RBFOX1: variants seen among roughly 807,000 people sequenced by gnomAD.
RBFOX1 encodes the protein RNA binding protein fox-1 homolog 1.
RBFOX1 carries 8 observed loss-of-function variants against 57.7 expected under a neutral mutation model. That is an observed-to-expected ratio of 0.14 (90% CI 0.08 to 0.25). The LOEUF (loss-of-function observed/expected upper bound fraction) is 0.25, where lower values mean the gene tolerates loss of function less well. Ranked by LOEUF, RBFOX1 falls within the 10% of genes least tolerant of loss-of-function variation. The pLI is 1.00. For missense variants in RBFOX1, 611 were observed against 548.5 expected (o/e 1.11, Z -1.14); for synonymous variants, 326 against 222.4 (o/e 1.47, Z -4.15).
chr16:5,508,237 G>C (rs1419862480), intron 2 of RBFOX1, among the ~76,000 whole-genome samples: 1 of 152,196 alleles, frequency 6.6e-6, no homozygotes, highest in Non-Finnish European at 1.5e-5. Flanking sequence ...GCCAGGGCGA[G>C]GGTCTCATCT....
At chr16:7,386,469 TGTGGC>T (rs1344836636) in intron 4 of RBFOX1, among the ~76,000 whole-genome samples, 1 of 143,696 alleles carries the variant, frequency 7.0e-6, no homozygotes, top group African/African-American at 2.5e-5. Context: ...TATGAGAACA[TGTGGC>T]GTTTGATTTT....
chr16:7,099,796 C>G (rs991256750), intron 4 of RBFOX1, among the ~76,000 whole-genome samples: 8 of 152,070 alleles, frequency 5.3e-5, no homozygotes, highest in Non-Finnish European at 1.0e-4. Context: ...CGTAGAGTTA[C>G]CGGGAGAAAA....
At chr16:6,815,661 C>G (rs973820074) in intron 3 of RBFOX1, among the ~76,000 whole-genome samples, 1 of 152,120 alleles carries the variant, frequency 6.6e-6, no homozygotes, top group Non-Finnish European at 1.5e-5. Flanking sequence ...TTACGCCTTA[C>G]CAGGGCCAGG....
intron 1 of RBFOX1, among the ~76,000 whole-genome samples, chr16:6,176,390 C>T (rs9930411): frequency 0.04 from 5,973 of 149,044 alleles, 196 homozygotes; most frequent in Middle Eastern, 0.08. Flanking sequence ...AACTCCTGAC[C>T]TCAGGTCATC....
intron 2 of RBFOX1, among the ~76,000 whole-genome samples, chr16:6,539,800 A>AACACACACACACACACACACACAC (rs1192980631): frequency 8.9e-4 from 51 of 57,612 alleles, no homozygotes; most frequent in Non-Finnish European, 1.5e-3. Flanking sequence ...TGCATCTCAA[A>AACACACACACACACACACACACAC]ACACAGACAC....
chr16:7,711,229 A>G lies in RBFOX1; in HGVS notation c.*484A>G, dbSNP rs1352214246. The G allele has an allele frequency of 2.2e-5, 1 of 45,646 alleles. No homozygotes were observed. The highest frequency in any genetic ancestry group is 5.1e-5 in the African/African-American group (1 of 19,664). The allele number at this position is 45,646 out of a possible 1,614,324, so 2.8% of individuals were successfully genotyped here. On this transcript the variant is annotated 3_prime_UTR_variant, in exon 16 of 16. Coordinates refer to ENST00000550418, the MANE Select transcript of RBFOX1 (RefSeq NM_018723.4). ...TTGGAACTGGGGTTTGGCTGAAAGA[A>G]AAAAAAAAAAATGTAACTGATGAAT... is the stretch of plus-strand genomic sequence containing the variant.
chr16:7,633,754 C>A (rs1238175812), intron 11 of RBFOX1, among the ~76,000 whole-genome samples: 1 of 152,178 alleles, frequency 6.6e-6, no homozygotes, highest in African/African-American at 2.4e-5. Context: ...TCAGTTATTT[C>A]TGTTTGCAGG....
rs142561680 is a variant in RBFOX1 at position 6,856,942 on chromosome 16, C to T, written c.-15-195115C>T. ...GAGAAAGAGAAGGAAAGAAAACGAA[C>T]GGAGGGACATGAGAAGAAAGGGAGG... On this transcript the variant is annotated intron_variant, in intron 3 of 15. Transcript: ENST00000550418. Among the ~76,000 whole-genome samples, 32 of 152,060 alleles carry T rather than the reference C, an allele frequency of 2.1e-4. 1 individual carries two copies. The highest frequency in any genetic ancestry group is 6.0e-4 in the African/African-American group (25 of 41,494).
At chr16:6,351,352 G>GTGTATATATATA (rs1474177476) in intron 2 of RBFOX1, among the ~76,000 whole-genome samples, 2 of 92,476 alleles carry the variant, frequency 2.2e-5, no homozygotes, top group African/African-American at 1.0e-4. Flanking sequence ...GTGTGTGTGT[G>GTGTATATATATA]TATATATATA....
chr16:6,921,707 A>C (rs2074493263), intron 3 of RBFOX1, among the ~76,000 whole-genome samples: 1 of 151,638 alleles, frequency 6.6e-6, no homozygotes, highest in Non-Finnish European at 1.5e-5. Context: ...AGGTGATGGA[A>C]AGTTATACCG....
chr16:5,490,443 G>C (rs2042788867), intron 2 of RBFOX1, among the ~76,000 whole-genome samples: 1 of 152,214 alleles, frequency 6.6e-6, no homozygotes, highest in Non-Finnish European at 1.5e-5. Context: ...ACCTTCTGTA[G>C]GTGCTCGGCC....
chr16:6,667,324 G>A (rs979851758), intron 3 of RBFOX1, among the ~76,000 whole-genome samples: 2 of 152,070 alleles, frequency 1.3e-5, no homozygotes, highest in African/African-American at 4.8e-5. Context: ...TACACCTTCA[G>A]TCACCCTTGA....
intron 4 of RBFOX1, among the ~76,000 whole-genome samples, chr16:7,274,773 C>A (rs998422526): frequency 6.6e-6 from 1 of 152,010 alleles, no homozygotes; most frequent in Admixed American, 6.6e-5. Flanking sequence ...CAATCTCTGC[C>A]TTCCAGGTTC....
chr16:7,075,868 C>G (rs192819395), intron 4 of RBFOX1, among the ~76,000 whole-genome samples: 173 of 152,120 alleles, frequency 1.1e-3, no homozygotes, highest in African/African-American at 3.9e-3. Context: ...GCGTGAGCCA[C>G]CGCGCCCGGC....
intron 1 of RBFOX1, among the ~76,000 whole-genome samples, chr16:5,324,379 C>G (rs1382323348): frequency 6.6e-6 from 1 of 152,320 alleles, no homozygotes; most frequent in East Asian, 1.9e-4. Flanking sequence ...AGGAGAATCA[C>G]TTGAACCCAG....
intron 3 of RBFOX1, among the ~76,000 whole-genome samples, chr16:6,811,719 A>G (rs1448520732): frequency 2.0e-5 from 3 of 152,054 alleles, no homozygotes; most frequent in African/African-American, 7.2e-5. Context: ...GTGAAATCCC[A>G]TCTCTTCAAA....
chr16:6,823,173 G>A (rs1462417987), intron 3 of RBFOX1, among the ~76,000 whole-genome samples: 1 of 152,112 alleles, frequency 6.6e-6, no homozygotes, highest in Non-Finnish European at 1.5e-5. Flanking sequence ...AAAGTGATTA[G>A]GGAGCCTGTG....
chr16:7,191,458 A>G (rs2085367797), intron 4 of RBFOX1, among the ~76,000 whole-genome samples: 1 of 152,188 alleles, frequency 6.6e-6, no homozygotes, highest in Non-Finnish European at 1.5e-5. Context: ...CATTTAATGA[A>G]TTGATCACAG....
At chr16:7,666,270 G>T (rs897275432) in intron 13 of RBFOX1, among the ~76,000 whole-genome samples, 1 of 152,068 alleles carries the variant, frequency 6.6e-6, no homozygotes, top group African/African-American at 2.4e-5. Flanking sequence ...GAGCCAGAAT[G>T]GTAGTTGGCA....
Sources: allele counts gnomAD v4.1 joint callset (sites outside exome capture counted in the v4.1 genomes callset), GRCh38; gene constraint gnomAD v4.1.1; transcripts MANE v1.5; gene names NCBI Gene and HGNC (gene_info 2026-07-23, HGNC 2026-07-21).